The following CADM1 variants were observed in gnomAD, a reference collection of about 807,000 sequenced individuals.
CADM1 encodes cell adhesion molecule 1.
In CADM1, 15 loss-of-function variants were observed where a neutral mutation model predicts 53.1. The ratio of observed to expected loss-of-function variants is 0.28; its 90% CI spans 0.19 to 0.44. The LOEUF (loss-of-function observed/expected upper bound fraction) is 0.44, where lower values mean the gene tolerates loss of function less well. CADM1 is among the 20% of genes least tolerant of loss of function. The pLI, the probability that CADM1 is intolerant of heterozygous loss-of-function variation, is 1.00. For synonymous variants in CADM1, 281 were observed against 243.0 expected, an observed-to-expected ratio of 1.16 and a Z score of -1.45; for missense variants, 434 against 611.3, an observed-to-expected ratio of 0.71 and a Z score of 3.06.
intron 1 of CADM1, among the ~76,000 whole-genome samples, chr11:115,363,300 G>C (rs189742091): frequency 6.6e-6 from 1 of 152,212 alleles, no homozygotes; most frequent in Admixed American, 6.5e-5. Context: ...CTGACAGTTG[G>C]CTGCTGTTCT....
intron 1 of CADM1, chr11:115,240,710 T>A: frequency 2.4e-6 from 1 of 414,014 alleles, no homozygotes; most frequent in Non-Finnish European, 4.5e-6. Context: ...TGAGGAGGTA[T>A]TGGAAAGGTC....
chr11:115,218,152 C>T, intron 5 of CADM1, 161 bp from the exon 6 acceptor site: 3 of 658,492 alleles, frequency 4.6e-6, no homozygotes, highest in Non-Finnish European at 8.4e-6. Context: ...GGCATTTGCT[C>T]AAATTAAATT....
intron 1 of CADM1, among the ~76,000 whole-genome samples, chr11:115,294,793 GGGA>G (rs1944004788): frequency 6.6e-6 from 1 of 152,168 alleles, no homozygotes. Flanking sequence ...CCAGCACCTT[GGGA>G]GGAGGAGGTG....
chr11:115,252,133 A>T (rs1267782459), intron 1 of CADM1, among the ~76,000 whole-genome samples: 1 of 152,210 alleles, frequency 6.6e-6, no homozygotes, highest in East Asian at 1.9e-4. Flanking sequence ...GAAAACAGGA[A>T]TTTTTGTTGT....
At chr11:115,241,186 C>T (rs753240460) in intron 1 of CADM1, among the ~76,000 whole-genome samples, 8 of 152,172 alleles carry the variant, frequency 5.3e-5, no homozygotes, top group Non-Finnish European at 1.2e-4. Context: ...CAGATCTGCC[C>T]TAGTTTGTTG....
At chr11:115,371,795 C>T (rs935923724) in intron 1 of CADM1, among the ~76,000 whole-genome samples, 9 of 117,486 alleles carry the variant, frequency 7.7e-5, no homozygotes, top group African/African-American at 2.0e-4. Flanking sequence ...CCTGCCACCA[C>T]GCCCAGCTAA....
intron 4 of CADM1, among the ~76,000 whole-genome samples, chr11:115,230,661 TAC>T (rs1941782418): frequency 6.6e-6 from 1 of 152,194 alleles, no homozygotes; most frequent in African/African-American, 2.4e-5. Context: ...GATGGCCCAG[TAC>T]AGAGGTAAAG....
intron 1 of CADM1, among the ~76,000 whole-genome samples, chr11:115,458,624 G>A (rs577003178): frequency 2.0e-5 from 3 of 151,760 alleles, no homozygotes; most frequent in African/African-American, 7.2e-5. Flanking sequence ...TATATAAGGG[G>A]AGAGTGTTTT....
chr11:115,417,786 GATC>G (rs1481560628), intron 1 of CADM1, among the ~76,000 whole-genome samples: 9 of 152,100 alleles, frequency 5.9e-5, no homozygotes, highest in Admixed American at 1.3e-4. Context: ...AATCTTTTTG[GATC>G]ATGTTTGCCA....
At chr11:115,205,659 C>A (rs918318088) in intron 8 of CADM1, among the ~76,000 whole-genome samples, 1 of 151,946 alleles carries the variant, frequency 6.6e-6, no homozygotes, top group Non-Finnish European at 1.5e-5. Flanking sequence ...TGAAACCACA[C>A]GGACAATTTG....
intron 1 of CADM1, among the ~76,000 whole-genome samples, chr11:115,248,317 C>T (rs934211399): frequency 7.2e-5 from 11 of 152,216 alleles, no homozygotes; most frequent in Admixed American, 3.3e-4. Flanking sequence ...TCAACCATCA[C>T]ATTAGCTGCC....
intron 1 of CADM1, among the ~76,000 whole-genome samples, chr11:115,394,880 A>G (rs1202655606): frequency 6.6e-6 from 1 of 152,200 alleles, no homozygotes; most frequent in African/African-American, 2.4e-5. Context: ...AACGCTAGAG[A>G]TAATTAATGT....
chr11:115,353,349 G>A (rs12274947), intron 1 of CADM1, among the ~76,000 whole-genome samples: 1 of 152,182 alleles, frequency 6.6e-6, no homozygotes, highest in Non-Finnish European at 1.5e-5. Flanking sequence ...GACATCACTA[G>A]CCACATGCAG....
chr11:115,308,194 G>GTATATATATATATA (rs560354243), intron 1 of CADM1, among the ~76,000 whole-genome samples: 5 of 123,964 alleles, frequency 4.0e-5, no homozygotes, highest in African/African-American at 1.5e-4. Flanking sequence ...TCATAGGTGT[G>GTATATATATATATA]TATATATATA....
intron 2 of CADM1, among the ~76,000 whole-genome samples, chr11:115,239,726 T>TC (rs397711346): frequency 2.2e-4 from 33 of 151,828 alleles, no homozygotes; most frequent in African/African-American, 7.5e-4. Flanking sequence ...TTTTTTTTTT[T>TC]CAAAAGATTT....
intron 1 of CADM1, among the ~76,000 whole-genome samples, chr11:115,439,855 C>A (rs1216726882): frequency 6.6e-6 from 1 of 152,162 alleles, no homozygotes; most frequent in Non-Finnish European, 1.5e-5. Flanking sequence ...GAGTAGGGCT[C>A]AGAATTTCTA....
chr11:115,259,952 G>A (rs550009598), intron 1 of CADM1, among the ~76,000 whole-genome samples: 6 of 152,036 alleles, frequency 3.9e-5, no homozygotes, highest in South Asian at 4.2e-4. Context: ...TTTTGACAGC[G>A]TCTCACTGGG....
chr11:115,342,356 T>G (rs1308489051), intron 1 of CADM1, among the ~76,000 whole-genome samples: 1 of 152,168 alleles, frequency 6.6e-6, no homozygotes, highest in Non-Finnish European at 1.5e-5. Context: ...CGATGTAGTA[T>G]CATGTTTCTG....
At chr11:115,389,973 A>G (rs1326300499) in intron 1 of CADM1, among the ~76,000 whole-genome samples, 1 of 152,186 alleles carries the variant, frequency 6.6e-6, no homozygotes, top group East Asian at 1.9e-4. Flanking sequence ...AAAGATGGGA[A>G]CTAAAACAGA....
Sources: allele counts gnomAD v4.1 joint callset (sites outside exome capture counted in the v4.1 genomes callset), GRCh38; gene constraint gnomAD v4.1.1; transcripts MANE v1.5; gene names NCBI Gene and HGNC (gene_info 2026-07-23, HGNC 2026-07-21).